Variants in DLG2 observed in about 807,000 individuals in gnomAD.
DLG2 encodes disks large homolog 2.
In DLG2, 45 loss-of-function variants were observed where a neutral mutation model predicts 132.5. The ratio of observed to expected loss-of-function variants is 0.34; its 90% CI spans 0.27 to 0.44. The LOEUF is 0.44. Ranked by LOEUF, DLG2 falls within the 20% of genes least tolerant of loss-of-function variation. The pLI, the probability that DLG2 is intolerant of heterozygous loss-of-function variation, is 1.00. For missense variants in DLG2, 1,045 were observed against 1,196.9 expected (o/e 0.87, Z 1.87); for synonymous variants, 424 against 419.6 (o/e 1.01, Z -0.13).
intron 6 of DLG2, among the ~76,000 whole-genome samples, chr11:84,989,633 A>C (rs2056873009): frequency 6.6e-6 from 1 of 152,242 alleles, no homozygotes; most frequent in African/African-American, 2.4e-5. Context: ...TTTTTAAATT[A>C]TATGGAAAGG....
chr11:83,493,272 C>A (rs890358909), intron 21 of DLG2, among the ~76,000 whole-genome samples: 1 of 152,084 alleles, frequency 6.6e-6, no homozygotes, highest in Non-Finnish European at 1.5e-5. Flanking sequence ...GAGGCTTTTT[C>A]TGACAGGCCT....
intron 14 of DLG2, among the ~76,000 whole-genome samples, chr11:83,937,971 T>C (rs2081872372): frequency 6.6e-6 from 1 of 152,208 alleles, no homozygotes; most frequent in Non-Finnish European, 1.5e-5. Flanking sequence ...TCTAGTGTGC[T>C]ATCTGAAGAA....
intron 5 of DLG2, among the ~76,000 whole-genome samples, chr11:85,124,905 A>C (rs1183431682): frequency 6.6e-6 from 1 of 150,738 alleles, no homozygotes; most frequent in Non-Finnish European, 1.5e-5. Context: ...ATCTTGGCTC[A>C]CTGCAAGCTC....
chr11:85,490,185 C>G (rs868199466), intron 3 of DLG2, among the ~76,000 whole-genome samples: 1 of 152,024 alleles, frequency 6.6e-6, no homozygotes, highest in African/African-American at 2.4e-5. Context: ...AAAATCCTCT[C>G]TCTAAAGAAA....
At chr11:85,302,600 C>T (rs1431665006) in intron 3 of DLG2, among the ~76,000 whole-genome samples, 1 of 145,650 alleles carries the variant, frequency 6.9e-6, no homozygotes, top group East Asian at 2.0e-4. Context: ...CTGCCTTACA[C>T]AGGTGGTGAT....
intron 8 of DLG2, among the ~76,000 whole-genome samples, chr11:84,233,030 C>G (rs948937553): frequency 1.3e-5 from 2 of 152,150 alleles, no homozygotes; most frequent in East Asian, 3.9e-4. Flanking sequence ...ACTTCACAAC[C>G]TCAAAGCACC....
intron 7 of DLG2, among the ~76,000 whole-genome samples, chr11:84,506,904 C>A (rs370069215): frequency 1.2e-4 from 18 of 152,318 alleles, no homozygotes; most frequent in African/African-American, 4.1e-4. Context: ...TCAGTGGGGA[C>A]AGACAACCAT....
At chr11:85,542,711 C>T (rs2076051298) in intron 3 of DLG2, among the ~76,000 whole-genome samples, 1 of 152,174 alleles carries the variant, frequency 6.6e-6, no homozygotes, top group Non-Finnish European at 1.5e-5. Flanking sequence ...TATGTCATAG[C>T]ATAATCATTT....
intron 19 of DLG2, among the ~76,000 whole-genome samples, chr11:83,580,924 C>G (rs894673487): frequency 7.0e-6 from 1 of 142,494 alleles, no homozygotes; most frequent in Non-Finnish European, 1.5e-5. Flanking sequence ...CCCTTTCCCT[C>G]CCTCATTCCT....
At chr11:84,232,405 C>T (rs150977164) in intron 8 of DLG2, among the ~76,000 whole-genome samples, 2 of 152,290 alleles carry the variant, frequency 1.3e-5, no homozygotes, top group East Asian at 3.9e-4. Flanking sequence ...ACTTTTATTA[C>T]ATGAGTTAAT....
chr11:83,935,802 G>C (rs1027674329), intron 14 of DLG2, among the ~76,000 whole-genome samples: 2 of 152,160 alleles, frequency 1.3e-5, no homozygotes, highest in Non-Finnish European at 2.9e-5. Context: ...AAATTATTAT[G>C]AGCACCATGT....
intron 6 of DLG2, among the ~76,000 whole-genome samples, chr11:84,879,904 C>A (rs141139112): frequency 1.3e-5 from 2 of 152,082 alleles, no homozygotes; most frequent in Non-Finnish European, 2.9e-5. Context: ...TAGACAAAAA[C>A]GCAGCCTAGC....
chr11:85,253,776 T>C (rs2076522814), intron 4 of DLG2, among the ~76,000 whole-genome samples: 1 of 152,028 alleles, frequency 6.6e-6, no homozygotes, highest in Admixed American at 6.6e-5. Context: ...GGAGATTTCA[T>C]TGCCAATGAA....
intron 6 of DLG2, among the ~76,000 whole-genome samples, chr11:84,600,191 A>C (rs187737418): frequency 7.2e-5 from 9 of 124,428 alleles, no homozygotes; most frequent in Non-Finnish European, 1.5e-4. Flanking sequence ...AAAGAAAGAA[A>C]GAAAGAAAGA....
At chr11:84,350,281 T>G (rs1215234798) in intron 7 of DLG2, among the ~76,000 whole-genome samples, 2 of 151,990 alleles carry the variant, frequency 1.3e-5, no homozygotes, top group African/African-American at 4.8e-5. Context: ...CCCAGGGGCT[T>G]CATGAACCTC....
At chr11:84,118,656 G>A (rs184259964) in intron 9 of DLG2, among the ~76,000 whole-genome samples, 289 of 152,298 alleles carry the variant, frequency 1.9e-3, no homozygotes, top group Non-Finnish European at 3.3e-3. Context: ...CTTAACCCGA[G>A]TATAAACAAT....
chr11:83,461,824 A>G lies in DLG2; in HGVS notation c.2821+178T>C, dbSNP rs1344179630. The G allele has an allele frequency of 1.2e-5, 7 of 560,958 alleles. No individual in the cohort carries two copies. In the East Asian group the frequency reaches 1.7e-4, roughly 14 times the overall value. 34.7% of individuals were successfully genotyped at this position (560,958 alleles called of 1,614,324 possible). A position where few individuals can be genotyped will look rare whatever the true frequency, so the allele number is the denominator to read the frequency against. On this transcript the variant is annotated intron_variant, in intron 27 of 27. Coordinates refer to ENST00000376104, the MANE Select transcript of DLG2 (RefSeq NM_001142699.3). Reference sequence around the variant, plus strand: ...TGCAGCTGAACTCTCAGGAGAACCCAGGGTTTTACATCAAAATGGGTGAAG... The same window carrying G: ...TGCAGCTGAACTCTCAGGAGAACCCGGGGTTTTACATCAAAATGGGTGAAG...
intron 6 of DLG2, among the ~76,000 whole-genome samples, chr11:84,629,565 G>A (rs571772227): frequency 6.6e-6 from 1 of 152,330 alleles, no homozygotes; most frequent in African/African-American, 2.4e-5. Context: ...AAACTTTGAA[G>A]AGTTCAAGTT....
At chr11:84,807,238 G>A (rs2076095919) in intron 6 of DLG2, among the ~76,000 whole-genome samples, 1 of 152,156 alleles carries the variant, frequency 6.6e-6, no homozygotes, top group African/African-American at 2.4e-5. Flanking sequence ...CTGAGGTCAG[G>A]ACTTTGAGAC....
Sources: gnomAD v4.1 joint callset for allele counts (sites outside exome capture counted in the v4.1 genomes callset) on GRCh38, gnomAD v4.1.1 for gene constraint, MANE v1.5 for transcripts, NCBI Gene and HGNC (gene_info 2026-07-23, HGNC 2026-07-21) for gene names.